The following PLCL1 variants were observed in gnomAD, a reference collection of about 807,000 sequenced individuals.
PLCL1 encodes inactive phospholipase C-like protein 1.
PLCL1 carries 41 observed loss-of-function variants against 84.4 expected under a neutral mutation model. The observed-to-expected ratio is 0.49, with a 90% confidence interval of 0.38 to 0.63. The LOEUF (loss-of-function observed/expected upper bound fraction) is 0.63. Ranked by LOEUF, PLCL1 falls within the 30% of genes least tolerant of loss-of-function variation. PLCL1 has a pLI of 0.00. For synonymous variants in PLCL1, 490 were observed against 488.3 expected (o/e 1.00, Z -0.05); for missense variants, 1,206 against 1,367.8 (o/e 0.88, Z 1.87).
At chr2:198,087,375 A>G (rs961129176) in intron 2 of PLCL1, among the ~76,000 whole-genome samples, 1 of 152,184 alleles carries the variant, frequency 6.6e-6, no homozygotes, top group Non-Finnish European at 1.5e-5. Flanking sequence ...ATTACTTAAT[A>G]TACTTATTAG....
At chr2:197,992,068 AT>A (rs948292136) in intron 1 of PLCL1, among the ~76,000 whole-genome samples, 6 of 151,130 alleles carry the variant, frequency 4.0e-5, no homozygotes, top group Admixed American at 3.9e-4. Flanking sequence ...GATTAGCAAG[AT>A]TTTTTTAATT....
intron 1 of PLCL1, among the ~76,000 whole-genome samples, chr2:197,923,692 A>G (rs1241665913): frequency 2.3e-4 from 33 of 144,914 alleles, no homozygotes; most frequent in African/African-American, 7.0e-4. Context: ...CCAGGCAGAG[A>G]GGCTCCTCAC....
chr2:197,887,553 T>C (rs1198531256), intron 1 of PLCL1, among the ~76,000 whole-genome samples: 1 of 152,190 alleles, frequency 6.6e-6, no homozygotes, highest in African/African-American at 2.4e-5. Flanking sequence ...TCCTATACCA[T>C]GGTCAATTCG....
intron 4 of PLCL1, among the ~76,000 whole-genome samples, chr2:198,102,375 C>T (rs931144536): frequency 1.3e-5 from 2 of 152,034 alleles, no homozygotes; most frequent in African/African-American, 4.8e-5. Flanking sequence ...CCGAGACTCA[C>T]ATAGCTAGTA....
intron 1 of PLCL1, among the ~76,000 whole-genome samples, chr2:197,975,801 G>A (rs1007296224): frequency 2.0e-5 from 3 of 152,012 alleles, no homozygotes; most frequent in Non-Finnish European, 2.9e-5. Context: ...GTAACACAGC[G>A]AGGCTCTTTT....
rs1359682194 is a variant in PLCL1, at chr2:198,085,263, T to C, written c.1746T>C (p.Cys582=). The C allele has an allele frequency of 6.2e-7, 1 of 1,614,046 alleles. No individual in the cohort carries two copies. The highest frequency in any genetic ancestry group is 1.3e-5 in the African/African-American group (1 of 75,042). The part of the protein sequence containing the change: ...YNGEQKQIRL[C]RELSDLVSIC... ...GTGAGCAGAAGCAAATCCGACTCTG[T>C]AGGGAGCTCTCTGATTTGGTGTCTA... The change falls in exon 2 of 6, where the codon TGT becomes TGC. Residue 582 remains cysteine (C), a synonymous_variant. Coordinates refer to ENST00000428675, the MANE Select transcript of PLCL1 (RefSeq NM_006226.4). This position sits in a 1 kb window ranked among gnomAD's most constrained non-coding sequence, Gnocchi z 5.3.
chr2:197,888,089 G>C lies in PLCL1; in HGVS notation c.240+82750G>C, dbSNP rs141040843. 3.7e-3 allele frequency among the ~76,000 whole-genome samples: 522 copies of C among 141,616 alleles called. 4 individuals are homozygous for C. Among genetic ancestry groups the C allele is most frequent in the African/African-American group, 0.013 (485 of 38,662 alleles). 92.9% of individuals were successfully genotyped at this position (141,616 alleles called of 152,430 possible). ...CCTGGGCGACAGTGAGACACTGTCT[G>C]AAAAAAAAAAAGGAAAAAATCTTAT... On this transcript the variant is annotated intron_variant, in intron 1 of 5. Coordinates refer to ENST00000428675, the MANE Select transcript of PLCL1 (RefSeq NM_006226.4).
intron 1 of PLCL1, among the ~76,000 whole-genome samples, chr2:197,898,269 A>C (rs1281137612): frequency 6.6e-6 from 1 of 152,180 alleles, no homozygotes; most frequent in African/African-American, 2.4e-5. Context: ...GCCATGAGGT[A>C]GGTTACTGGG....
intron 3 of PLCL1, among the ~76,000 whole-genome samples, chr2:198,096,830 C>T (rs988000932): frequency 1.3e-5 from 2 of 152,094 alleles, no homozygotes; most frequent in Non-Finnish European, 2.9e-5. Flanking sequence ...TGTCTAATCA[C>T]GCTTGCAATG....
In PLCL1 at chr2:198,085,231, T is replaced by G. The variant is rs1488452067; in HGVS notation, c.1714T>G (p.Tyr572Asp). ...AEMSRRMSVDYNGEQKQIRLC... is the reference protein window; with the variant it reads ...AEMSRRMSVDDNGEQKQIRLC... Reference sequence around the variant, plus strand: ...AATGTCTCGAAGGATGTCGGTAGATTACAATGGTGAGCAGAAGCAAATCCG... The same window carrying G: ...AATGTCTCGAAGGATGTCGGTAGATGACAATGGTGAGCAGAAGCAAATCCG... Residue 572 changes from tyrosine (Y) to aspartate (D), a missense_variant, in exon 2 of 6, where the codon TAC (tyrosine) becomes GAC (aspartate). Coordinates refer to ENST00000428675, the MANE Select transcript of PLCL1 (RefSeq NM_006226.4). The surrounding 1 kb of genome is among the most constrained non-coding windows in gnomAD (Gnocchi z 5.3). The G allele has an allele frequency of 6.2e-7, 1 of 1,614,012 alleles. No individual in the cohort carries two copies. The highest frequency in any genetic ancestry group is 2.2e-5 in the East Asian group (1 of 44,884).
intron 1 of PLCL1, among the ~76,000 whole-genome samples, chr2:197,905,208 C>A (rs940409468): frequency 6.6e-6 from 1 of 152,168 alleles, no homozygotes; most frequent in Non-Finnish European, 1.5e-5. Context: ...TTAAGCCCCA[C>A]ATGCATTAGG....
intron 1 of PLCL1, among the ~76,000 whole-genome samples, chr2:197,887,278 G>A (rs1687940229): frequency 6.6e-6 from 1 of 152,096 alleles, no homozygotes; most frequent in South Asian, 2.1e-4. Flanking sequence ...ATTGTATGAA[G>A]TACCCCAAAT....
chr2:197,935,599 G>A (rs1264923771), intron 1 of PLCL1, among the ~76,000 whole-genome samples: 1 of 151,396 alleles, frequency 6.6e-6, no homozygotes, highest in African/African-American at 2.5e-5. Flanking sequence ...CAACAGACAC[G>A]GGAACCTATT....
chr2:198,145,429 C>CT (rs989503280), intron 5 of PLCL1, among the ~76,000 whole-genome samples: 1 of 152,192 alleles, frequency 6.6e-6, no homozygotes, highest in African/African-American at 2.4e-5. Context: ...AAGGCCTGAA[C>CT]TTTAGTCCCA....
At chr2:198,127,930 A>G (rs1200448491) in intron 5 of PLCL1, among the ~76,000 whole-genome samples, 5 of 152,166 alleles carry the variant, frequency 3.3e-5, no homozygotes. Flanking sequence ...TTACTTACAT[A>G]TAAATTTATG....
chr2:198,096,267 T>C (rs987347751), intron 3 of PLCL1, among the ~76,000 whole-genome samples: 1 of 152,228 alleles, frequency 6.6e-6, no homozygotes, highest in African/African-American at 2.4e-5. Context: ...AGTCCTATGA[T>C]AGACTTTTCA....
intron 1 of PLCL1, among the ~76,000 whole-genome samples, chr2:197,902,958 A>C (rs979632900): frequency 5.9e-5 from 9 of 152,218 alleles, no homozygotes; most frequent in Admixed American, 2.0e-4. Flanking sequence ...TATATGTTTA[A>C]AATCTGTTGA....
rs1196052106 is a variant in PLCL1 at position 197,975,555 on chromosome 2, G to C, written c.241-108203G>C. Among the ~76,000 whole-genome samples, 5 of 152,126 alleles carry C rather than the reference G, an allele frequency of 3.3e-5. No individual in the cohort carries two copies. In the South Asian group the frequency reaches 1.0e-3, roughly 32 times the overall value. On this transcript the variant is annotated intron_variant, in intron 1 of 5. Transcript: ENST00000428675. ...AGGGCCAGGCACCCCTGCAATCCCAGTACTTTGGGAGGCCTAGGTGGGAAG... is the reference window on the plus strand; with the variant it reads ...AGGGCCAGGCACCCCTGCAATCCCACTACTTTGGGAGGCCTAGGTGGGAAG...
At chr2:198,138,043 A>C (rs977360618) in intron 5 of PLCL1, among the ~76,000 whole-genome samples, 1 of 152,170 alleles carries the variant, frequency 6.6e-6, no homozygotes, top group African/African-American at 2.4e-5. Flanking sequence ...GTACAACATG[A>C]TGAAAAATGT....
Sources: allele counts gnomAD v4.1 joint callset (sites outside exome capture counted in the v4.1 genomes callset), GRCh38; gene constraint gnomAD v4.1.1; non-coding constraint Gnocchi (gnomAD v3.1); transcripts MANE v1.5; gene names NCBI Gene and HGNC (gene_info 2026-07-23, HGNC 2026-07-21).